KCNH5: variants seen among roughly 807,000 people sequenced by gnomAD.
KCNH5 encodes the protein voltage-gated delayed rectifier potassium channel KCNH5.
A neutral mutation model predicts 96.1 loss-of-function variants in KCNH5; 46 were observed. That is an observed-to-expected ratio of 0.48 (90% CI 0.38 to 0.61). The LOEUF (loss-of-function observed/expected upper bound fraction) is 0.61. KCNH5 is among the 20% of genes least tolerant of loss of function. The probability of loss-of-function intolerance (pLI) is 0.00; values close to 1 mark genes in which losing one functional copy is unlikely to be tolerated. For synonymous variants in KCNH5, 439 were observed against 449.8 expected, an observed-to-expected ratio of 0.98 and a Z score of 0.30; for missense variants, 907 against 1,225.8, an observed-to-expected ratio of 0.74 and a Z score of 3.88.
chr14:62,896,428 T>C (rs1888814336), intron 7 of KCNH5, among the ~76,000 whole-genome samples: 1 of 152,218 alleles, frequency 6.6e-6, no homozygotes, highest in Non-Finnish European at 1.5e-5. Flanking sequence ...CAATTCTTCA[T>C]TTCACATTGC....
At chr14:63,018,096 A>G (rs1891359015) in intron 1 of KCNH5, among the ~76,000 whole-genome samples, 1 of 152,018 alleles carries the variant, frequency 6.6e-6, no homozygotes, top group Non-Finnish European at 1.5e-5. Context: ...AAAATATGAA[A>G]AGCAAAATCT....
intron 7 of KCNH5, among the ~76,000 whole-genome samples, chr14:62,855,160 G>A (rs1887904160): frequency 6.6e-6 from 1 of 151,976 alleles, no homozygotes; most frequent in African/African-American, 2.4e-5. Context: ...AAGGCCCCTG[G>A]CCAATAGCTT....
At chr14:63,028,503 C>T (rs1220968883) in intron 1 of KCNH5, among the ~76,000 whole-genome samples, 1 of 152,134 alleles carries the variant, frequency 6.6e-6, no homozygotes, top group Admixed American at 6.6e-5. Context: ...AGCCGCGATT[C>T]CCAAGGTCAG....
chr14:62,734,021 A>T (rs1885106021), intron 10 of KCNH5, among the ~76,000 whole-genome samples: 1 of 152,198 alleles, frequency 6.6e-6, no homozygotes, highest in East Asian at 1.9e-4. Flanking sequence ...CAAAGTCAGC[A>T]TATCCAAGAT....
chr14:62,731,480 A>G (rs1188814421), intron 10 of KCNH5, among the ~76,000 whole-genome samples: 2 of 152,146 alleles, frequency 1.3e-5, no homozygotes, highest in African/African-American at 2.4e-5. Flanking sequence ...TGGATATAGC[A>G]AACTGTTGAT....
chr14:62,989,904 A>G (rs1460699914), intron 4 of KCNH5, among the ~76,000 whole-genome samples: 1 of 152,110 alleles, frequency 6.6e-6, no homozygotes, highest in African/African-American at 2.4e-5. Flanking sequence ...TATATTAGTC[A>G]TAGGTATATT....
intron 6 of KCNH5, among the ~76,000 whole-genome samples, chr14:62,972,130 T>TA: frequency 6.6e-6 from 1 of 152,162 alleles, no homozygotes; most frequent in Non-Finnish European, 1.5e-5. Context: ...ATCTAAAAAC[T>TA]AAAAAGAACT....
At chr14:62,877,336 T>C (rs1888395663) in intron 7 of KCNH5, among the ~76,000 whole-genome samples, 5 of 151,222 alleles carry the variant, frequency 3.3e-5, no homozygotes, top group Admixed American at 3.3e-4. Context: ...AAGACAAAAT[T>C]GACAAATGGG....
At chr14:62,832,469 G>GTTGT (rs1475022297) in intron 8 of KCNH5, among the ~76,000 whole-genome samples, 1 of 151,918 alleles carries the variant, frequency 6.6e-6, no homozygotes. Context: ...ATTATATATC[G>GTTGT]TTGTTCGTAT....
chr14:62,935,939 A>G (rs778984923), intron 7 of KCNH5, among the ~76,000 whole-genome samples: 2 of 152,212 alleles, frequency 1.3e-5, no homozygotes, highest in East Asian at 1.9e-4. Flanking sequence ...TGATCTTTCA[A>G]TAATTTGTTC....
intron 6 of KCNH5, among the ~76,000 whole-genome samples, chr14:62,965,257 TG>T (rs1890284626): frequency 6.6e-6 from 1 of 152,182 alleles, no homozygotes; most frequent in Admixed American, 6.6e-5. Flanking sequence ...TGTTGGAACA[TG>T]GGGCCTAGTG....
intron 6 of KCNH5, among the ~76,000 whole-genome samples, chr14:62,978,850 A>G (rs1472166497): frequency 6.6e-6 from 1 of 152,208 alleles, no homozygotes; most frequent in Non-Finnish European, 1.5e-5. Context: ...GTATGTATGC[A>G]TTGTGGAATG....
At chr14:62,742,829 C>T (rs536926386) in intron 10 of KCNH5, among the ~76,000 whole-genome samples, 2 of 152,244 alleles carry the variant, frequency 1.3e-5, no homozygotes, top group East Asian at 1.9e-4. Flanking sequence ...ACATCAGAAT[C>T]CCTTGGAAAG....
intron 10 of KCNH5, among the ~76,000 whole-genome samples, chr14:62,713,832 C>T (rs1168021037): frequency 6.6e-6 from 1 of 152,244 alleles, no homozygotes; most frequent in Non-Finnish European, 1.5e-5. Context: ...GCCCTCTCTA[C>T]AAGTCCTTAC....
chr14:63,034,211 C>A (rs1242679651), intron 1 of KCNH5, among the ~76,000 whole-genome samples: 1 of 152,150 alleles, frequency 6.6e-6, no homozygotes, highest in Non-Finnish European at 1.5e-5. Context: ...AGCCACGGCA[C>A]CCAGCCTGTA....
intron 2 of KCNH5, among the ~76,000 whole-genome samples, chr14:63,008,102 T>C (rs758324383): frequency 2.0e-5 from 3 of 152,152 alleles, no homozygotes; most frequent in Non-Finnish European, 4.4e-5. Flanking sequence ...CTAAACACCT[T>C]AACTAAGATT....
intron 7 of KCNH5, among the ~76,000 whole-genome samples, chr14:62,884,635 A>G (rs1477660342): frequency 6.6e-6 from 1 of 152,188 alleles, no homozygotes; most frequent in Non-Finnish European, 1.5e-5. Flanking sequence ...CAAAAAAAGA[A>G]AGAAAGAAAA....
intron 8 of KCNH5, among the ~76,000 whole-genome samples, chr14:62,821,264 G>C (rs1415067700): frequency 6.6e-6 from 1 of 151,800 alleles, no homozygotes; most frequent in African/African-American, 2.4e-5. Flanking sequence ...ATTAAATATA[G>C]GGTACATTAT....
rs373852520 is a variant in KCNH5, at chr14:62,970,044, T to TAAAAAAAAAA, written c.942+10818_942+10827dup. Among the ~76,000 whole-genome samples the TAAAAAAAAAA allele has an allele frequency of 6.5e-3, 196 of 30,384 alleles. 5 individuals carry two copies. Among genetic ancestry groups the TAAAAAAAAAA allele is most frequent in the Middle Eastern group, 0.022 (1 of 46 alleles). 19.9% of individuals were successfully genotyped at this position (30,384 alleles called of 152,430 possible). On this transcript the variant is annotated intron_variant, in intron 6 of 10. Transcript: ENST00000322893. ...CTGGGTGACAGAGTGAGACTCCGTC[T>TAAAAAAAAAA]AAAAAAAAAAAAAAAAAAAAAAAAA...
Sources: allele counts gnomAD v4.1 joint callset (sites outside exome capture counted in the v4.1 genomes callset), GRCh38; gene constraint gnomAD v4.1.1; transcripts MANE v1.5; gene names NCBI Gene and HGNC (gene_info 2026-07-23, HGNC 2026-07-21).